CCDC15: variants seen among roughly 807,000 people sequenced by gnomAD.
The protein encoded by CCDC15 is coiled-coil domain containing 15.
A neutral mutation model predicts 114.5 loss-of-function variants in CCDC15; 105 were observed. The ratio of observed to expected loss-of-function variants is 0.92; its 90% confidence interval spans 0.78 to 1.08. The LOEUF is 1.08. Ranked by LOEUF, CCDC15 falls within the 50% of genes least tolerant of loss-of-function variation. The pLI, the probability that CCDC15 is intolerant of heterozygous loss-of-function variation, is 0.00. For synonymous variants in CCDC15, 334 were observed against 377.8 expected, an observed-to-expected ratio of 0.88 and a Z score of 1.34; for missense variants, 1,105 against 1,093.6, an observed-to-expected ratio of 1.01 and a Z score of -0.15.
rs560348672 is a variant in CCDC15, at chr11:124,966,870, G to A, written c.516+6867G>A. 2.1e-3 allele frequency among the ~76,000 whole-genome samples: 326 copies of A among 152,290 alleles called. 2 individuals are homozygous for A. Among genetic ancestry groups the A allele is most frequent in the African/African-American group, 7.3e-3 (303 of 41,546 alleles). ...AAAATCTCTCAGCATTTGCTTCTCT[G>A]TAAAGGATTTTATTTCTTCACTTTT... On this transcript the variant is annotated intron_variant, in intron 4 of 15. Transcript: ENST00000344762.
chr11:125,011,253 T>TTTC (rs1948591223), intron 13 of CCDC15, among the ~76,000 whole-genome samples: 1 of 150,818 alleles, frequency 6.6e-6, no homozygotes, highest in Non-Finnish European at 1.5e-5. Context: ...TTATTATTTT[T>TTTC]TAAGATGGAG....
chr11:124,987,338 A>C lies in CCDC15; in HGVS notation c.1112A>C (p.Glu371Ala). Residue 371 changes from glutamate (E) to alanine (A), a missense_variant, in exon 8 of 16, where the codon GAG (glutamate) becomes GCG (alanine). Coordinates refer to ENST00000344762, the MANE Select transcript of CCDC15 (RefSeq NM_025004.3). ...QAVEMKVQVT[E>A]PEGQAIEPEG... is the part of the protein sequence containing the mutation. ...GTTGAAATGAAGGTTCAGGTTACTG[A>C]GCCAGAAGGCCAGGCCATTGAGCCA... 1 of 1,613,548 alleles carries C rather than the reference A, an allele frequency of 6.2e-7. No homozygotes were observed. Among genetic ancestry groups the C allele is most frequent in the Non-Finnish European group, 8.5e-7 (1 of 1,179,524 alleles).
intron 6 of CCDC15, among the ~76,000 whole-genome samples, chr11:124,982,833 G>C (rs188810224): frequency 2.0e-5 from 3 of 152,092 alleles, no homozygotes; most frequent in African/African-American, 7.2e-5. Flanking sequence ...TTGAATGTTG[G>C]CCTCTCTAGC....
At chr11:124,975,025 G>T in intron 4 of CCDC15, 71 bp from the exon 5 acceptor site, 2 of 890,008 alleles carry the variant, frequency 2.2e-6, no homozygotes, top group Non-Finnish European at 3.4e-6. Flanking sequence ...TTTTCCTGTT[G>T]GAACACTTAG....
chr11:125,040,550 ATT>A (rs1436388316), intron 15 of CCDC15, 38 bp from the exon 16 acceptor site: 1 of 1,564,664 alleles, frequency 6.4e-7, no homozygotes, highest in Non-Finnish European at 8.7e-7. Context: ...GTTGTTTAGA[ATT>A]TGACTTTATT....
intron 13 of CCDC15, among the ~76,000 whole-genome samples, chr11:125,009,782 G>A (rs756831261): frequency 3.3e-5 from 5 of 152,034 alleles, no homozygotes; most frequent in Admixed American, 6.5e-5. Context: ...GTGTTAATTC[G>A]CTTAGGATAA....
At chr11:125,039,179 T>G (rs1203672671) in intron 15 of CCDC15, 110 bp downstream of exon 15, 2 of 993,830 alleles carry the variant, frequency 2.0e-6, no homozygotes, top group African/African-American at 3.2e-5. Context: ...TATCAGAGAC[T>G]GTTATAAACC....
At chr11:124,985,963 G>T (rs561357298) in intron 6 of CCDC15, among the ~76,000 whole-genome samples, 23 of 151,960 alleles carry the variant, frequency 1.5e-4, no homozygotes, top group South Asian at 1.5e-3. Context: ...ATTCCTATGT[G>T]TTCTTTTAAG....
At chr11:125,034,098 G>A (rs1391416783) in intron 13 of CCDC15, among the ~76,000 whole-genome samples, 1 of 152,214 alleles carries the variant, frequency 6.6e-6, no homozygotes, top group Non-Finnish European at 1.5e-5. Context: ...TGCCTCAGGG[G>A]AGGCCATCAC....
At chr11:125,038,862 A>T in intron 14 of CCDC15, 59 bp from the exon 15 acceptor site, 43 of 1,390,864 alleles carry the variant, frequency 3.1e-5, no homozygotes, top group Non-Finnish European at 3.9e-5. Context: ...TAAAATCAGG[A>T]TTCATACTCA....
intron 4 of CCDC15, among the ~76,000 whole-genome samples, chr11:124,963,759 A>G (rs12285395): frequency 0.2 from 30,862 of 152,000 alleles, 3,721 homozygotes; most frequent in African/African-American, 0.33. Context: ...TTTCATCTAG[A>G]GTTTTTATGG....
intron 13 of CCDC15, among the ~76,000 whole-genome samples, chr11:125,018,387 T>G (rs975536266): frequency 3.3e-5 from 5 of 152,084 alleles, no homozygotes; most frequent in African/African-American, 1.2e-4. Flanking sequence ...CCATCTAGGT[T>G]TGTGGAAGGA....
chr11:125,018,216 T>A (rs1948640784), intron 13 of CCDC15, among the ~76,000 whole-genome samples: 1 of 152,102 alleles, frequency 6.6e-6, no homozygotes, highest in South Asian at 2.1e-4. Flanking sequence ...TTTTTATCTT[T>A]TATACTGTAT....
chr11:125,027,278 T>C (rs1018845628), intron 13 of CCDC15, among the ~76,000 whole-genome samples: 3 of 152,218 alleles, frequency 2.0e-5, no homozygotes, highest in Non-Finnish European at 4.4e-5. Flanking sequence ...CTGGATGGAA[T>C]TGCATTTCTA....
chr11:125,012,614 G>T (rs1948601128), intron 13 of CCDC15, among the ~76,000 whole-genome samples: 1 of 152,142 alleles, frequency 6.6e-6, no homozygotes, highest in Non-Finnish European at 1.5e-5. Flanking sequence ...CACTTTAGTT[G>T]GGTTTGGGTG....
intron 13 of CCDC15, among the ~76,000 whole-genome samples, chr11:125,018,360 G>A (rs1272805036): frequency 6.6e-6 from 1 of 152,084 alleles, no homozygotes; most frequent in Non-Finnish European, 1.5e-5. Flanking sequence ...ATATAGCCTG[G>A]TTGTGTATAG....
chr11:124,954,797 C>G lies in CCDC15; in HGVS notation c.65C>G (p.Pro22Arg), dbSNP rs1330984042. The part of the protein sequence containing the change: ...NTSRLPLALN[P>R]LKSKDVLAVL... ...TCAAGGTTGCCCCTGGCTTTAAACC[C>G]CCTGAAGAGCAAGGACGTGTTGGCA... Residue 22 changes from proline to arginine, a missense_variant, in exon 2 of 16, where the codon CCC (proline) becomes CGC (arginine). Coordinates refer to ENST00000344762, the MANE Select transcript of CCDC15 (RefSeq NM_025004.3). The G allele has an allele frequency of 2.5e-6, 4 of 1,613,876 alleles. No homozygotes were observed. The highest frequency in any genetic ancestry group is 2.5e-6 in the Non-Finnish European group (3 of 1,179,890).
chr11:124,988,240 A>T, intron 8 of CCDC15, 106 bp downstream of exon 8: 3 of 1,199,958 alleles, frequency 2.5e-6, no homozygotes, highest in Non-Finnish European at 2.3e-6. Flanking sequence ...CTGTGGGTTC[A>T]GTTCCAGGCC....
intron 13 of CCDC15, among the ~76,000 whole-genome samples, chr11:125,011,469 C>T (rs1948593057): frequency 6.6e-6 from 1 of 151,980 alleles, no homozygotes; most frequent in Non-Finnish European, 1.5e-5. Context: ...AACTCCTGAC[C>T]TCGTGATCCA....
Sources: gnomAD v4.1 joint callset for allele counts (sites outside exome capture counted in the v4.1 genomes callset) on GRCh38, gnomAD v4.1.1 for gene constraint, MANE v1.5 for transcripts, NCBI Gene and HGNC (gene_info 2026-07-23, HGNC 2026-07-21) for gene names.